NOTCH4: variants seen among roughly 807,000 people sequenced by gnomAD.
NOTCH4 encodes the protein notch receptor 4.
Under a neutral mutation model 189.0 loss-of-function variants are expected in NOTCH4, and 138 were observed. That is an observed-to-expected ratio of 0.73 (90% CI 0.64 to 0.84). The LOEUF is 0.84. Ranked by LOEUF, NOTCH4 falls within the 40% of genes least tolerant of loss-of-function variation. The pLI is 0.00. For missense variants in NOTCH4, 2,286 were observed against 2,605.4 expected (o/e 0.88, Z 2.67); for synonymous variants, 942 against 1,032.8 (o/e 0.91, Z 1.69).
At chr6:32,223,249 G>A (rs1010847051) in intron 1 of NOTCH4, among the ~76,000 whole-genome samples, 163 bp from the exon 2 acceptor site, 4 of 151,990 alleles carry the variant, frequency 2.6e-5, no homozygotes, top group African/African-American at 9.7e-5. Context: ...CCCAGCCCCA[G>A]CCCCAGTGCC....
rs767531809 is a variant in NOTCH4 at position 32,202,186 on chromosome 6, G to A, written c.3645C>T (p.Pro1215=). ...AGAGAAGCCAGCACCGAGAGTGGGA[G>A]GGGCAGCCCTTCCAGGGGTCTGGGA... ...LGVPDPWKGC[P]SHSRCWLLFR... is the part of the protein sequence containing the mutation. Residue 1215 remains proline, a synonymous_variant, in exon 21 of 30, where the codon CCC becomes CCT. Transcript: ENST00000375023. The surrounding 1 kb of genome is among the most constrained non-coding windows in gnomAD (Gnocchi z 5.7). The A allele has an allele frequency of 6.6e-7, 1 of 1,526,286 alleles. No homozygotes were observed. The highest frequency in any genetic ancestry group is 1.3e-5 in the South Asian group (1 of 78,956). 94.5% of individuals were successfully genotyped at this position (1,526,286 alleles called of 1,614,324 possible).
intron 11 of NOTCH4, 143 bp from the exon 12 acceptor site, chr6:32,215,528 G>T (rs930771832): frequency 2.8e-6 from 2 of 718,206 alleles, no homozygotes; most frequent in African/African-American, 1.8e-5. Context: ...TCCTTCAATG[G>T]GTCCCTATTG....
rs918064792 is a variant in NOTCH4, at chr6:32,212,971, T to C, written c.2439-60A>G. On this transcript the variant is annotated intron_variant, in intron 15 of 29. Transcript: ENST00000375023. This position sits in a 1 kb window ranked among gnomAD's most constrained non-coding sequence, Gnocchi z 4.4. ...AGTTCGGGCAACAAGGGGAAGGTAG[T>C]GTGTGATATTGTCGGGAGGCAACCA... is the stretch of plus-strand genomic sequence containing the variant. The C allele has an allele frequency of 2.1e-6, 3 of 1,458,062 alleles. No homozygotes were observed. Among genetic ancestry groups the C allele is most frequent in the African/African-American group, 2.8e-5 (2 of 71,512 alleles). 90.3% of individuals were successfully genotyped at this position (1,458,062 alleles called of 1,614,324 possible).
At position 32,210,627 on chromosome 6, in the gene NOTCH4, T is replaced by C; in HGVS notation, c.2865+125A>G. 1.1e-6 allele frequency: 1 copy of C among 877,010 alleles called. No homozygotes were observed. The highest frequency in any genetic ancestry group is 2.6e-5 in the East Asian group (1 of 38,744). 54.3% of individuals were successfully genotyped at this position (877,010 alleles called of 1,614,324 possible). A position where few individuals can be genotyped will look rare whatever the true frequency, so the allele number is the denominator to read the frequency against. On this transcript the variant is annotated intron_variant, in intron 18 of 29. Transcript: ENST00000375023. The surrounding 1 kb of genome is among the most constrained non-coding windows in gnomAD (Gnocchi z 4.8). ...TGGCATGACTTTGTGGTTAGTTGGG[T>C]GTGTGGGGTTAAAAAAAATAAAAGG...
chr6:32,218,442 A>G (rs1789553052), intron 8 of NOTCH4, among the ~76,000 whole-genome samples: 1 of 152,108 alleles, frequency 6.6e-6, no homozygotes, highest in African/African-American at 2.4e-5. Context: ...ACAAATAGGA[A>G]CAAATTGGCT....
Position 32,198,643 on chromosome 6 carries a change from T to G in NOTCH4, c.4617+6A>C, listed in dbSNP as rs767405586. 1 of 1,611,704 alleles carries G rather than the reference T, an allele frequency of 6.2e-7. No individual in the cohort carries two copies. Among genetic ancestry groups the G allele is most frequent in the Non-Finnish European group, 8.5e-7 (1 of 1,179,302 alleles). The stretch of plus-strand genomic sequence containing the variant: ...CTCCAGACCATTCTTGCCCCAGCCC[T>G]TTCACCTGGCCCACCTCCTCTCCCT... On this transcript the variant is annotated splice_donor_region_variant and intron_variant, in intron 25 of 29. Transcript: ENST00000375023. The surrounding 1 kb of genome is among the most constrained non-coding windows in gnomAD (Gnocchi z 5.5).
rs754564370 is a variant in NOTCH4 at position 32,223,808 on chromosome 6, C to T, written c.73+48G>A. 2.5e-6 allele frequency: 4 copies of T among 1,576,218 alleles called. No individual in the cohort carries two copies. The South Asian group carries it at 4.5e-5, about 18-fold the overall frequency. ...CCTCTTCCCCCACCCCACTGATCAT[C>T]CTCCTAAGGGAGCTGGGTCCCCTCA... On this transcript the variant is annotated intron_variant, in intron 1 of 29. Transcript: ENST00000375023.
chr6:32,196,606 G>A (rs927196105), intron 28 of NOTCH4, among the ~76,000 whole-genome samples, 185 bp from the exon 29 acceptor site: 2 of 152,220 alleles, frequency 1.3e-5, no homozygotes, highest in African/African-American at 4.8e-5. Flanking sequence ...ACCAGTGCGC[G>A]GGAGGGACAA....
In NOTCH4 at chr6:32,222,706, C is replaced by A. The variant is rs368654771; in HGVS notation, c.256G>T (p.Ala86Ser). The stretch of plus-strand genomic sequence containing the variant: ...GGAGAGCTGGGGAGCCCTAGGGGAG[C>A]GGGAAGCAGGGCTTGGCAGCTGCCT... ...NGGSCQALLP[A>S]PLGLPSSPSP... Residue 86 changes from alanine (A) to serine (S), a missense_variant, in exon 3 of 30, where the codon GCT (alanine) becomes TCT (serine). Ala to Ser is a moderately conservative substitution (Grantham distance 99). Around this residue, in one of 2 missense-constraint regions of NOTCH4, gnomAD observed 1,903 missense variants for 2,261.9 expected, o/e 0.84. Coordinates refer to ENST00000375023, the MANE Select transcript of NOTCH4 (RefSeq NM_004557.4). 1.9e-6 allele frequency: 3 copies of A among 1,607,990 alleles called. No individual in the cohort carries two copies. The highest frequency in any genetic ancestry group is 8.5e-7 in the Non-Finnish European group (1 of 1,178,146).
Position 32,200,961 on chromosome 6 carries a change from G to A in NOTCH4, c.4185C>T (p.Asp1395=). The change falls in exon 23 of 30, where the codon GAC becomes GAT. Residue 1395 remains aspartate (D), a synonymous_variant. Coordinates refer to ENST00000375023, the MANE Select transcript of NOTCH4 (RefSeq NM_004557.4). The surrounding 1 kb of genome is among the most constrained non-coding windows in gnomAD (Gnocchi z 5.0). ...CCCAGGGACAGCGGGATGCCGGGTGGTCAGGGCCACAGCGGGACAAATCCA... is the reference window on the plus strand; with the variant it reads ...CCCAGGGACAGCGGGATGCCGGGTGATCAGGGCCACAGCGGGACAAATCCA... ...MGVDLSRCGP[D]HPASRCPWDP... 6.2e-7 allele frequency: 1 copy of A among 1,600,896 alleles called. No individual in the cohort carries two copies.
rs755950852 is a variant in NOTCH4, at chr6:32,220,142, G to A, written c.1302C>T (p.Asp434=). The A allele has an allele frequency of 1.3e-5, 21 of 1,613,530 alleles. No homozygotes were observed. The highest frequency in any genetic ancestry group is 2.7e-5 in the African/African-American group (2 of 74,906). Residue 434 remains aspartate, a synonymous_variant, in exon 7 of 30, where the codon GAC becomes GAT. Transcript: ENST00000375023. ...YSGPTCHQDL[D]ECLMAQQGPS... ...GAGTGGCCTCACCCATCAGACACTC[G>A]TCCAGGTCCTGGTGGCAGGTGGGCC...
rs963541737 is a variant in NOTCH4 at position 32,221,902 on chromosome 6, C to T, written c.452-577G>A. On this transcript the variant is annotated intron_variant, in intron 3 of 29. Coordinates refer to ENST00000375023, the MANE Select transcript of NOTCH4 (RefSeq NM_004557.4). This position sits in a 1 kb window ranked among gnomAD's most constrained non-coding sequence, Gnocchi z 4.3. ...ACTCTCCCTGTTTGTCAGCTGACAA[C>T]TGAACACCAGAAAGCTAAAATATCT... is the stretch of plus-strand genomic sequence containing the variant. Among the ~76,000 whole-genome samples the T allele has an allele frequency of 6.6e-6, 1 of 152,208 alleles. No individual in the cohort carries two copies. The highest frequency in any genetic ancestry group is 1.5e-5 in the Non-Finnish European group (1 of 68,034).
At chr6:32,196,275 T>A in intron 29 of NOTCH4, 49 bp downstream of exon 29, 1 of 1,613,036 alleles carries the variant, frequency 6.2e-7, no homozygotes, top group Non-Finnish European at 8.5e-7. Flanking sequence ...GCACTTTCCA[T>A]CTCTCGTGCG....
intron 17 of NOTCH4, among the ~76,000 whole-genome samples, chr6:32,211,774 G>A (rs1252684831): frequency 6.6e-6 from 1 of 152,128 alleles, no homozygotes; most frequent in Non-Finnish European, 1.5e-5. Flanking sequence ...TCCTGGCACT[G>A]AAGAAATTAG....
At chr6:32,211,074 CA>C in intron 17 of NOTCH4, 138 bp from the exon 18 acceptor site, 1 of 745,052 alleles carries the variant, frequency 1.3e-6, no homozygotes, top group Non-Finnish European at 2.0e-6. Flanking sequence ...GCCTGGCAAA[CA>C]TGGGGAAACC....
Position 32,221,816 on chromosome 6 carries a change from A to G in NOTCH4, c.452-491T>C, listed in dbSNP as rs997834654. Among the ~76,000 whole-genome samples the G allele has an allele frequency of 4.6e-5, 7 of 152,180 alleles. No individual in the cohort carries two copies. The South Asian group carries it at 6.2e-4, about 13-fold the overall frequency. Reference sequence around the variant, plus strand: ...GGAGGTGCCAGGTGCTGAGCTGAGCAAGCATCTCCTGAGCATCGGCCCCTT... The same window carrying G: ...GGAGGTGCCAGGTGCTGAGCTGAGCGAGCATCTCCTGAGCATCGGCCCCTT... On this transcript the variant is annotated intron_variant, in intron 3 of 29. Transcript: ENST00000375023. The surrounding 1 kb of genome is among the most constrained non-coding windows in gnomAD (Gnocchi z 4.3).
chr6:32,203,938 C>CAGGAA, intron 19 of NOTCH4, 56 bp from the exon 20 acceptor site: 1 of 1,495,674 alleles, frequency 6.7e-7, no homozygotes, highest in Non-Finnish European at 9.1e-7. Context: ...TGCCTCCATC[C>CAGGAA]TAGCTCATTC....
Position 32,210,886 on chromosome 6 carries a change from C to A in NOTCH4, c.2731G>T (p.Gly911Cys), listed in dbSNP as rs144069425. ...CHNGGLCVDS[G>C]PSYFCHCPPG... Reference sequence around the variant, plus strand: ...GGGCAGTGGCAGAAATAGGAGGGGCCGCTGTCGACACAGAGGCCTCCATTG... The same window carrying A: ...GGGCAGTGGCAGAAATAGGAGGGGCAGCTGTCGACACAGAGGCCTCCATTG... Residue 911 changes from glycine to cysteine, a missense_variant, in exon 18 of 30, where the codon GGC becomes TGC. Gly to Cys is a radical substitution (Grantham distance 159). Transcript: ENST00000375023. This position sits in a 1 kb window ranked among gnomAD's most constrained non-coding sequence, Gnocchi z 4.8. 37 of 1,611,698 alleles carry A rather than the reference C, an allele frequency of 2.3e-5. No individual in the cohort carries two copies. The highest frequency in any genetic ancestry group is 3.1e-5 in the Non-Finnish European group (36 of 1,179,354).
In NOTCH4 at chr6:32,201,444, C is replaced by A. The variant is rs1788348411; in HGVS notation, c.3812G>T (p.Gly1271Val). Reference protein sequence around the residue: ...DHFHNGHCEKGCNTAECGWDG... With the variant: ...DHFHNGHCEKVCNTAECGWDG... ...CCAGCCACACTCTGCAGTGTTGCAG[C>A]CTTTCTCACAGTGCCCGTTGTGGAA... The change falls in exon 22 of 30, where the codon GGC becomes GTC. Residue 1271 changes from glycine (G) to valine (V), a missense_variant. Gly to Val is a moderately radical substitution (Grantham distance 109). This residue lies in a region of NOTCH4 where 1,903 missense variants were observed against 2,261.9 expected (regional missense o/e 0.84). Coordinates refer to ENST00000375023, the MANE Select transcript of NOTCH4 (RefSeq NM_004557.4). This position sits in a 1 kb window ranked among gnomAD's most constrained non-coding sequence, Gnocchi z 5.5. 3.3e-6 allele frequency: 5 copies of A among 1,532,994 alleles called. No individual in the cohort carries two copies. Among genetic ancestry groups the A allele is most frequent in the Non-Finnish European group, 4.4e-6 (5 of 1,141,848 alleles). 95.0% of individuals were successfully genotyped at this position (1,532,994 alleles called of 1,614,324 possible). A position where few individuals can be genotyped will look rare whatever the true frequency, so the allele number is the denominator to read the frequency against.
Sources: allele counts gnomAD v4.1 joint callset (sites outside exome capture counted in the v4.1 genomes callset), GRCh38; gene constraint gnomAD v4.1.1; regional missense constraint gnomAD v4.1.1; non-coding constraint Gnocchi (gnomAD v3.1); transcripts MANE v1.5; gene names NCBI Gene and HGNC (gene_info 2026-07-23, HGNC 2026-07-21).